Variants in TENM3 observed in about 807,000 individuals in gnomAD.
TENM3 encodes the protein teneurin transmembrane protein 3.
A neutral mutation model predicts 255.1 loss-of-function variants in TENM3; 63 were observed. The observed-to-expected ratio is 0.25, with a 90% CI of 0.20 to 0.30. The LOEUF (loss-of-function observed/expected upper bound fraction) is 0.30. Ranked by LOEUF, TENM3 falls within the 10% of genes least tolerant of loss-of-function variation. TENM3 has a pLI of 1.00. For missense variants in TENM3, 2,929 were observed against 3,461.1 expected, an observed-to-expected ratio of 0.85 and a Z score of 3.86; for synonymous variants, 1,306 against 1,322.3, an observed-to-expected ratio of 0.99 and a Z score of 0.27.
intron 3 of TENM3, among the ~76,000 whole-genome samples, chr4:182,379,970 A>G (rs1057358491): frequency 2.0e-5 from 3 of 152,150 alleles, no homozygotes; most frequent in Non-Finnish European, 4.4e-5. Context: ...CAACAACAAC[A>G]ACAAAAGACT....
chr4:181,518,819 A>C, the TENM3 span, among the ~76,000 whole-genome samples: 1 of 152,176 alleles, frequency 6.6e-6, no homozygotes, highest in Non-Finnish European at 1.5e-5. Flanking sequence ...TATGTCCATG[A>C]ATGACAGAGT....
chr4:182,589,101 G>A (rs1217298210), intron 3 of TENM3, among the ~76,000 whole-genome samples: 3 of 152,160 alleles, frequency 2.0e-5, no homozygotes, highest in Non-Finnish European at 2.9e-5. Context: ...ACAATCATAA[G>A]CATGGTATTA....
At chr4:182,299,320 A>G (rs1186551943) in intron 1 of TENM3, among the ~76,000 whole-genome samples, 2 of 152,164 alleles carry the variant, frequency 1.3e-5, no homozygotes, top group Non-Finnish European at 2.9e-5. Context: ...CTGAAATGCT[A>G]AAGTAAGACT....
chr4:181,876,036 T>G, the TENM3 span, among the ~76,000 whole-genome samples: 1 of 152,376 alleles, frequency 6.6e-6, no homozygotes, highest in Non-Finnish European at 1.5e-5. Context: ...TCCTCTGGAC[T>G]ATATTTCTGG....
the TENM3 span, among the ~76,000 whole-genome samples, chr4:181,855,772 G>A: frequency 1.3e-5 from 2 of 151,782 alleles, no homozygotes; most frequent in Non-Finnish European, 2.9e-5. Flanking sequence ...TATATCAAGT[G>A]CTATGAAGAA....
the TENM3 span, among the ~76,000 whole-genome samples, chr4:181,962,189 ATATTT>A: frequency 6.6e-6 from 1 of 152,236 alleles, no homozygotes; most frequent in East Asian, 1.9e-4. Flanking sequence ...TACTCATACT[ATATTT>A]TAAGTTATTC....
chr4:182,674,932 G>T (rs1030962640), intron 7 of TENM3, among the ~76,000 whole-genome samples: 1 of 151,712 alleles, frequency 6.6e-6, no homozygotes, highest in Non-Finnish European at 1.5e-5. Context: ...GCTGGAGTGC[G>T]ATGGCATGAT....
intron 12 of TENM3, among the ~76,000 whole-genome samples, chr4:182,690,872 C>G (rs1471686348): frequency 6.6e-6 from 1 of 152,212 alleles, no homozygotes; most frequent in Non-Finnish European, 1.5e-5. Flanking sequence ...CTTAACAATT[C>G]CATTTCCTAT....
chr4:182,800,346 A>C lies in TENM3; in HGVS notation c.8095A>C (p.Arg2699=). The C allele has an allele frequency of 6.4e-7, 1 of 1,565,772 alleles. No individual in the cohort carries two copies. Among genetic ancestry groups the C allele is most frequent in the South Asian group, 1.2e-5 (1 of 86,416 alleles). Residue 2699 remains arginine (R), a synonymous_variant, in exon 28 of 28, where the codon AGG becomes CGG. Coordinates refer to ENST00000511685, the MANE Select transcript of TENM3 (RefSeq NM_001080477.4). ...CCTGCGGCAGAGCGAGATCGGCAGG[A>C]GGTAACGCCCGGGCCGCGCCCGCCG... ...QFLRQSEIGR[R] is the part of the protein sequence containing the mutation.
the TENM3 span, among the ~76,000 whole-genome samples, chr4:181,682,446 G>A: frequency 6.6e-6 from 1 of 152,158 alleles, no homozygotes; most frequent in South Asian, 2.1e-4. Flanking sequence ...CTGACTGATT[G>A]TTAAAACAGT....
rs141580502 is a variant in TENM3, at chr4:182,343,653, C to T, written c.233-2998C>T. 2.3e-3 allele frequency among the ~76,000 whole-genome samples: 343 copies of T among 151,736 alleles called. 2 individuals carry two copies. The highest frequency in any genetic ancestry group is 8.0e-3 in the African/African-American group (331 of 41,332). On this transcript the variant is annotated intron_variant, in intron 2 of 27. Coordinates refer to ENST00000511685, the MANE Select transcript of TENM3 (RefSeq NM_001080477.4). ...CCCAGCCCAGCCCAGCCCTCCCGCCCTCCTCCACACCGCTTGTCGCAGTCA... is the reference window on the plus strand; with the variant it reads ...CCCAGCCCAGCCCAGCCCTCCCGCCTTCCTCCACACCGCTTGTCGCAGTCA...
intron 1 of TENM3, among the ~76,000 whole-genome samples, chr4:182,265,886 T>C (rs1009663208): frequency 2.6e-5 from 4 of 152,250 alleles, no homozygotes; most frequent in African/African-American, 9.6e-5. Context: ...TTAAAAATTA[T>C]TGATAAAATA....
chr4:181,616,816 C>T, the TENM3 span, among the ~76,000 whole-genome samples: 1,316 of 152,222 alleles, frequency 8.6e-3, 12 homozygotes, highest in Non-Finnish European at 0.014. Context: ...TTTTGTTCTA[C>T]GTGTGTGCTC....
At position 182,593,945 on chromosome 4, in the gene TENM3, G is replaced by C. The variant is rs373849450; in HGVS notation, c.512-6979G>C. ...GAGCTGAGTTGCACATGGCAGCCTG[G>C]GAGCTGCCAGCAGTAGCTTTTAGTC... On this transcript the variant is annotated intron_variant, in intron 3 of 27. Coordinates refer to ENST00000511685, the MANE Select transcript of TENM3 (RefSeq NM_001080477.4). Among the ~76,000 whole-genome samples the C allele has an allele frequency of 6.6e-4, 101 of 152,100 alleles. 2 individuals carry two copies. In the East Asian group the frequency reaches 0.015, roughly 23 times the overall value.
chr4:182,740,600 AC>A (rs2152730746), intron 18 of TENM3, among the ~76,000 whole-genome samples: 1 of 152,336 alleles, frequency 6.6e-6, no homozygotes, highest in South Asian at 2.1e-4. Context: ...CCAGTTAGCT[AC>A]AGGATTTCAC....
chr4:182,088,641 C>T, the TENM3 span, among the ~76,000 whole-genome samples: 4,620 of 151,982 alleles, frequency 0.03, 97 homozygotes, highest in Non-Finnish European at 0.045. Context: ...AAGATCATCC[C>T]GGCTACCATG....
chr4:181,485,462 A>G, the TENM3 span, among the ~76,000 whole-genome samples: 1 of 149,062 alleles, frequency 6.7e-6, no homozygotes, highest in Non-Finnish European at 1.5e-5. Context: ...TAGATGTACT[A>G]AAGGTACGGT....
chr4:182,748,366 G>C lies in TENM3; in HGVS notation c.3630-3434G>C, dbSNP rs553054888. Among the ~76,000 whole-genome samples, 44 of 152,302 alleles carry C rather than the reference G, an allele frequency of 2.9e-4. No homozygotes were observed. The South Asian group carries it at 7.9e-3, about 27-fold the overall frequency. ...GCATTTTGAAAATCCCTGTGCTCCA[G>C]CTGCTGGCTGCAGCCGGTTCCGTCG... On this transcript the variant is annotated intron_variant, in intron 19 of 27. Transcript: ENST00000511685.
the TENM3 span, among the ~76,000 whole-genome samples, chr4:181,989,127 A>AATAT: frequency 6.6e-6 from 1 of 152,132 alleles, no homozygotes; most frequent in South Asian, 2.1e-4. Flanking sequence ...ACTTGATTCA[A>AATAT]ATATGTACGT....
Sources: allele counts gnomAD v4.1 joint callset (sites outside exome capture counted in the v4.1 genomes callset), GRCh38; gene constraint gnomAD v4.1.1; transcripts MANE v1.5; gene names NCBI Gene and HGNC (gene_info 2026-07-23, HGNC 2026-07-21).